PRH1: variants seen among roughly 807,000 people sequenced by gnomAD.
PRH1 encodes proline rich protein HaeIII subfamily 1.
A neutral mutation model predicts 7.9 loss-of-function variants in PRH1; 7 were observed. The observed-to-expected ratio is 0.89, with a 90% CI of 0.50 to 1.67. The LOEUF (loss-of-function observed/expected upper bound fraction) is 1.67. Ranked by LOEUF, PRH1 falls within the 40% of genes most tolerant of loss-of-function variation. The pLI is 0.00. For missense variants in PRH1, 109 were observed against 223.6 expected (o/e 0.49, Z 3.27); for synonymous variants, 45 against 80.8 (o/e 0.56, Z 2.38).
intron 1 of PRH1, among the ~76,000 whole-genome samples, chr12:11,129,350 ACAT>A (rs1946253949): frequency 1.3e-5 from 2 of 152,296 alleles, no homozygotes; most frequent in Non-Finnish European, 2.9e-5. Flanking sequence ...CAGGACTCTC[ACAT>A]TCTTCGTGAA....
In PRH1 at chr12:10,938,346, T is replaced by G. The variant is rs750727119; in HGVS notation, c.-59+35309A>C. 3 of 1,614,076 alleles carry G rather than the reference T, an allele frequency of 1.9e-6. No homozygotes were observed. In the South Asian group the frequency reaches 3.3e-5, roughly 18 times the overall value. On this transcript the variant is annotated intron_variant, in intron 2 of 3. Transcript: ENST00000539853. The stretch of plus-strand genomic sequence containing the variant: ...AGTAGCACTGACAGAGAGGCCTGTC[T>G]CAGCTTCTTGTTTCCAAGAATCAGA...
chr12:10,976,894 G>T (rs758710184), intron 1 of PRH1, among the ~76,000 whole-genome samples: 1 of 151,874 alleles, frequency 6.6e-6, no homozygotes. Flanking sequence ...ATAAACCGAT[G>T]ATGAGTTCCA....
chr12:11,125,946 T>G (rs1224756257), intron 1 of PRH1, among the ~76,000 whole-genome samples: 1 of 60,968 alleles, frequency 1.6e-5, no homozygotes, highest in Admixed American at 2.0e-4. Flanking sequence ...TGCTCTATTC[T>G]TCTTTATTCA....
At chr12:10,957,752 A>C (rs1938045269) in intron 2 of PRH1, among the ~76,000 whole-genome samples, 1 of 152,186 alleles carries the variant, frequency 6.6e-6, no homozygotes, top group African/African-American at 2.4e-5. Context: ...AAATTTGATA[A>C]AGGACATGAA....
At chr12:10,929,381 T>A in intron 2 of PRH1, 1 of 1,611,456 alleles carries the variant, frequency 6.2e-7, no homozygotes, top group East Asian at 2.2e-5. Flanking sequence ...GATTGGGGTT[T>A]ACGGGCGAAT....
intron 1 of PRH1, among the ~76,000 whole-genome samples, chr12:10,975,914 T>C (rs1939072454): frequency 6.6e-6 from 1 of 152,134 alleles, no homozygotes. Flanking sequence ...ACACCCAGAT[T>C]CATAATGCAA....
intron 2 of PRH1, among the ~76,000 whole-genome samples, chr12:10,941,585 T>A (rs3851587): frequency 0.28 from 35,722 of 127,404 alleles, 4,380 homozygotes; most frequent in Admixed American, 0.31. Flanking sequence ...ATTTATTATT[T>A]ATTATTAAAA....
chr12:11,103,862 T>C (rs1945329574), intron 1 of PRH1, among the ~76,000 whole-genome samples: 1 of 152,072 alleles, frequency 6.6e-6, no homozygotes, highest in African/African-American at 2.4e-5. Context: ...CTAAAGAAAT[T>C]CCTCAAATAA....
intron 2 of PRH1, chr12:10,908,484 A>G (rs753009429): frequency 6.2e-7 from 1 of 1,613,942 alleles, no homozygotes. Flanking sequence ...TGAAGGAGAG[A>G]AGACTCCAAT....
chr12:10,939,091 TC>T (rs1421243612), intron 2 of PRH1: 1 of 1,614,032 alleles, frequency 6.2e-7, no homozygotes. Context: ...AAGAGATCTT[TC>T]TTCCCTTGAC....
chr12:10,966,117 C>G (rs564394735), intron 2 of PRH1, among the ~76,000 whole-genome samples: 1 of 152,200 alleles, frequency 6.6e-6, no homozygotes, highest in South Asian at 2.1e-4. Context: ...TGAAATTAGT[C>G]CTATTTTCCC....
At chr12:11,027,782 C>T (rs1355052896) in intron 1 of PRH1, among the ~76,000 whole-genome samples, 2 of 152,108 alleles carry the variant, frequency 1.3e-5, no homozygotes, top group Admixed American at 6.5e-5. Context: ...TCTGACAAGC[C>T]TGTTGGAGAG....
intron 1 of PRH1, chr12:11,030,454 C>A (rs776604772): frequency 3.7e-6 from 6 of 1,614,074 alleles, no homozygotes; most frequent in Middle Eastern, 1.6e-4. Flanking sequence ...TCACTTGCCG[C>A]AAAACTGAAA....
At chr12:11,073,283 T>C (rs79215979) in intron 1 of PRH1, among the ~76,000 whole-genome samples, 1,922 of 77,560 alleles carry the variant, frequency 0.025, 25 homozygotes, top group Non-Finnish European at 0.03. Flanking sequence ...AGCCATGTGC[T>C]ACCATGCCTG....
rs1056575809 is a variant in PRH1, at chr12:10,892,455, C to T, written c.-58-8180G>A. Reference sequence around the variant, plus strand: ...TCCAGAGGTAAGGGGGACAGGAGAACTGTGACATCAGGGATGACACTACCC... The same window carrying T: ...TCCAGAGGTAAGGGGGACAGGAGAATTGTGACATCAGGGATGACACTACCC... On this transcript the variant is annotated intron_variant, in intron 2 of 3. Coordinates refer to the PRH1 transcript ENST00000539853. 3.9e-5 allele frequency among the ~76,000 whole-genome samples: 6 copies of T among 152,264 alleles called. No individual in the cohort carries two copies. The South Asian group carries it at 8.3e-4, about 21-fold the overall frequency.
intron 2 of PRH1, among the ~76,000 whole-genome samples, chr12:10,902,861 A>C (rs1430208089): frequency 6.6e-6 from 1 of 152,170 alleles, no homozygotes; most frequent in Non-Finnish European, 1.5e-5. Context: ...CTTACAAGAG[A>C]TCCTTAAGGG....
intron 1 of PRH1, among the ~76,000 whole-genome samples, chr12:11,074,904 C>A (rs1403281728): frequency 2.0e-5 from 3 of 151,226 alleles, no homozygotes; most frequent in Non-Finnish European, 4.4e-5. Flanking sequence ...GTACCGGGAG[C>A]CAAGTGCATG....
At chr12:10,941,367 A>G (rs1174365526) in intron 2 of PRH1, among the ~76,000 whole-genome samples, 3 of 152,190 alleles carry the variant, frequency 2.0e-5, no homozygotes, top group Non-Finnish European at 4.4e-5. Flanking sequence ...ATTCCCACAC[A>G]CTACATCCAG....
chr12:10,953,899 G>C (rs1014714455), intron 2 of PRH1, among the ~76,000 whole-genome samples: 2 of 152,206 alleles, frequency 1.3e-5, no homozygotes, highest in African/African-American at 4.8e-5. Context: ...ACAGCATTGA[G>C]CTAACAGTGG....
Sources: gnomAD v4.1 joint callset for allele counts (sites outside exome capture counted in the v4.1 genomes callset) on GRCh38, gnomAD v4.1.1 for gene constraint, MANE v1.5 for transcripts, NCBI Gene and HGNC (gene_info 2026-07-23, HGNC 2026-07-21) for gene names.